Variants in PTPRO observed in about 807,000 individuals in gnomAD.
The protein encoded by PTPRO is protein tyrosine phosphatase receptor type O.
A neutral mutation model predicts 145.2 loss-of-function variants in PTPRO; 62 were observed. The observed-to-expected ratio is 0.43, with a 90% CI of 0.35 to 0.53. The LOEUF is 0.53. Ranked by LOEUF, PTPRO falls within the 20% of genes least tolerant of loss-of-function variation. The pLI, the probability that PTPRO is intolerant of heterozygous loss-of-function variation, is 0.01. For missense variants in PTPRO, 1,345 were observed against 1,482.7 expected (o/e 0.91, Z 1.53); for synonymous variants, 565 against 514.7 (o/e 1.10, Z -1.32).
intron 12 of PTPRO, among the ~76,000 whole-genome samples, chr12:15,527,096 C>T (rs914178865): frequency 7.2e-5 from 11 of 152,150 alleles, no homozygotes; most frequent in African/African-American, 2.7e-4. Context: ...GCTGGCTTCA[C>T]TCCCCTCTAC....
chr12:15,361,438 CA>C (rs71042244), intron 1 of PTPRO, among the ~76,000 whole-genome samples: 2,953 of 71,272 alleles, frequency 0.041, 15 homozygotes, highest in Non-Finnish European at 0.055. Context: ...GACTCAGTCT[CA>C]AAAAAAAAAA....
intron 1 of PTPRO, among the ~76,000 whole-genome samples, chr12:15,390,877 A>G (rs1939171121): frequency 6.6e-6 from 1 of 152,206 alleles, no homozygotes. Flanking sequence ...ATTTCTCACA[A>G]GCATGAAGTC....
intron 1 of PTPRO, among the ~76,000 whole-genome samples, chr12:15,371,421 C>T (rs1025108453): frequency 1.3e-5 from 2 of 151,950 alleles, no homozygotes; most frequent in African/African-American, 4.8e-5. Flanking sequence ...TTAGTAGCAA[C>T]GGGGTTTCAC....
chr12:15,530,023 A>C (rs939144167), intron 12 of PTPRO, among the ~76,000 whole-genome samples: 1 of 152,216 alleles, frequency 6.6e-6, no homozygotes, highest in Non-Finnish European at 1.5e-5. Context: ...GAAGGGGTGG[A>C]AAAAGATATT....
intron 1 of PTPRO, among the ~76,000 whole-genome samples, chr12:15,332,534 C>G (rs1289520748): frequency 6.6e-6 from 1 of 152,176 alleles, no homozygotes; most frequent in African/African-American, 2.4e-5. Context: ...ATGAACCATA[C>G]ATTTTAACAT....
At chr12:15,406,142 C>T (rs1355621208) in intron 1 of PTPRO, among the ~76,000 whole-genome samples, 3 of 152,110 alleles carry the variant, frequency 2.0e-5, no homozygotes, top group Non-Finnish European at 4.4e-5. Context: ...TCATCAGAGT[C>T]CATTGTTGTA....
At position 15,483,865 on chromosome 12, in the gene PTPRO, A is replaced by G. The variant is rs115305433; in HGVS notation, c.76-109A>G. The G allele has an allele frequency of 8.7e-4, 1,027 of 1,177,294 alleles. 6 individuals are homozygous for G. In the African/African-American group the frequency reaches 0.014, roughly 16 times the overall value. 72.9% of individuals were successfully genotyped at this position (1,177,294 alleles called of 1,614,324 possible). On this transcript the variant is annotated intron_variant, in intron 1 of 26. Coordinates refer to ENST00000281171, the MANE Select transcript of PTPRO (RefSeq NM_030667.3). ...AAGAAATAAGGCTTACCATAAACATAACTAATGTTTATGATACACAACAAT... is the reference window on the plus strand; with the variant it reads ...AAGAAATAAGGCTTACCATAAACATGACTAATGTTTATGATACACAACAAT...
chr12:15,356,749 C>G (rs1938001836), intron 1 of PTPRO, among the ~76,000 whole-genome samples: 1 of 152,148 alleles, frequency 6.6e-6, no homozygotes, highest in Non-Finnish European at 1.5e-5. Flanking sequence ...GAAATAGGAT[C>G]ATCAATGTTT....
intron 7 of PTPRO, among the ~76,000 whole-genome samples, chr12:15,513,645 G>A (rs1236069596): frequency 6.6e-6 from 1 of 152,064 alleles, no homozygotes; most frequent in Non-Finnish European, 1.5e-5. Flanking sequence ...ATCTTAATGG[G>A]ACTCTAAAAA....
Position 15,520,266 on chromosome 12 carries a change from T to C in PTPRO, c.1845T>C (p.Asp615=). 1 of 1,613,830 alleles carries C rather than the reference T, an allele frequency of 6.2e-7. No homozygotes were observed. Among genetic ancestry groups the C allele is most frequent in the Non-Finnish European group, 8.5e-7 (1 of 1,179,844 alleles). The part of the protein sequence containing the change: ...NFRVTMVTWG[D]PELSCCDSST... ...GGGTTACCATGGTGACGTGGGGAGA[T>C]CCAGAATTGAGCTGCTGTGACAGCT... The change falls in exon 10 of 27, where the codon GAT becomes GAC. Residue 615 remains aspartate, a synonymous_variant. Transcript: ENST00000281171.
rs371052124 is a variant in PTPRO at position 15,583,253 on chromosome 12, G to A, written c.3255+1452G>A. Among the ~76,000 whole-genome samples the A allele has an allele frequency of 2.6e-4, 40 of 152,196 alleles. No homozygotes were observed. The East Asian group carries it at 7.0e-3, about 27-fold the overall frequency. On this transcript the variant is annotated intron_variant, in intron 23 of 26. Transcript: ENST00000281171. ...TCCCAGCACTTTGAGAGGCTGAGGC[G>A]AGCAGATCACTTAAGCCCAGGATTT...
At chr12:15,370,590 G>A (rs759776126) in intron 1 of PTPRO, among the ~76,000 whole-genome samples, 2 of 152,060 alleles carry the variant, frequency 1.3e-5, no homozygotes, top group African/African-American at 2.4e-5. Flanking sequence ...GCAAGGGGAC[G>A]ATGGTAATAT....
At chr12:15,381,535 C>T (rs937827539) in intron 1 of PTPRO, among the ~76,000 whole-genome samples, 2 of 152,110 alleles carry the variant, frequency 1.3e-5, no homozygotes, top group Admixed American at 6.6e-5. Flanking sequence ...TCATTAATCC[C>T]CTGTCCCTTC....
intron 3 of PTPRO, 35 bp downstream of exon 3, chr12:15,497,438 C>A (rs759737379): frequency 1.9e-6 from 3 of 1,602,520 alleles, no homozygotes; most frequent in South Asian, 1.1e-5. Context: ...TCAATGATGA[C>A]CCTCACTTTT....
chr12:15,431,987 T>C (rs1330303149), intron 1 of PTPRO, among the ~76,000 whole-genome samples: 1 of 152,168 alleles, frequency 6.6e-6, no homozygotes, highest in Non-Finnish European at 1.5e-5. Flanking sequence ...CAGCTGTTTT[T>C]TGTTTTTGTT....
chr12:15,371,044 A>G (rs533805651), intron 1 of PTPRO, among the ~76,000 whole-genome samples: 10 of 152,220 alleles, frequency 6.6e-5, no homozygotes, highest in Non-Finnish European at 1.2e-4. Context: ...AATGCAAGTT[A>G]TAATCTGGAT....
intron 1 of PTPRO, among the ~76,000 whole-genome samples, chr12:15,377,994 T>C (rs1315290725): frequency 1.3e-5 from 2 of 152,042 alleles, no homozygotes; most frequent in Non-Finnish European, 2.9e-5. Context: ...ATAGCTAAAA[T>C]AGTGCTTAGA....
intron 2 of PTPRO, among the ~76,000 whole-genome samples, chr12:15,495,977 AT>A (rs1332524680): frequency 6.6e-6 from 1 of 152,144 alleles, no homozygotes; most frequent in East Asian, 1.9e-4. Context: ...CCCTGACATC[AT>A]TTAATTCCCT....
At chr12:15,373,510 TC>T (rs1938592395) in intron 1 of PTPRO, among the ~76,000 whole-genome samples, 1 of 152,158 alleles carries the variant, frequency 6.6e-6, no homozygotes, top group Admixed American at 6.6e-5. Context: ...TCATCTTTCC[TC>T]CCCACCCACT....
Sources: allele counts gnomAD v4.1 joint callset (sites outside exome capture counted in the v4.1 genomes callset), GRCh38; gene constraint gnomAD v4.1.1; transcripts MANE v1.5; gene names NCBI Gene and HGNC (gene_info 2026-07-23, HGNC 2026-07-21).